Variants in SUMF1 observed in about 807,000 individuals in gnomAD.
SUMF1 encodes formylglycine-generating enzyme.
A neutral mutation model predicts 47.6 loss-of-function variants in SUMF1; 48 were observed. The ratio of observed to expected loss-of-function variants is 1.01; its 90% CI spans 0.80 to 1.28. The LOEUF (loss-of-function observed/expected upper bound fraction) is 1.28. SUMF1 is among the 50% of genes most tolerant of loss of function. The pLI is 0.00. For synonymous variants in SUMF1, 230 were observed against 192.1 expected, an observed-to-expected ratio of 1.20 and a Z score of -1.63; for missense variants, 571 against 485.4, an observed-to-expected ratio of 1.18 and a Z score of -1.66.
intron 8 of SUMF1, among the ~76,000 whole-genome samples, chr3:4,320,289 T>G (rs1268636741): frequency 6.6e-6 from 1 of 152,154 alleles, no homozygotes; most frequent in Non-Finnish European, 1.5e-5. Flanking sequence ...ATTACTGAAG[T>G]TTGTAAGACT....
chr3:4,399,234 T>TC (rs1388659544), intron 7 of SUMF1, among the ~76,000 whole-genome samples: 12 of 152,168 alleles, frequency 7.9e-5, no homozygotes, highest in Non-Finnish European at 1.8e-4. Flanking sequence ...AGCACAGCAG[T>TC]CTGGAGTAAA....
intron 1 of SUMF1, among the ~76,000 whole-genome samples, chr3:4,458,296 C>G (rs2079718699): frequency 6.6e-6 from 1 of 152,120 alleles, no homozygotes; most frequent in African/African-American, 2.4e-5. Flanking sequence ...TAAATTAATA[C>G]AGTGATTATG....
chr3:4,303,127 A>G (rs1698013966), intron 8 of SUMF1, among the ~76,000 whole-genome samples: 1 of 152,196 alleles, frequency 6.6e-6, no homozygotes, highest in African/African-American at 2.4e-5. Context: ...AGGAAAAACT[A>G]AAGCACCTCA....
intron 8 of SUMF1, among the ~76,000 whole-genome samples, chr3:4,298,384 T>C (rs929480469): frequency 3.9e-5 from 6 of 152,192 alleles, no homozygotes; most frequent in African/African-American, 9.7e-5. Flanking sequence ...TCTCATACTC[T>C]ATAAAATACT....
intron 7 of SUMF1, among the ~76,000 whole-genome samples, chr3:4,378,379 C>CA (rs1301025514): frequency 1.3e-5 from 2 of 151,908 alleles, no homozygotes; most frequent in Non-Finnish European, 2.9e-5. Context: ...ATTGTAAACT[C>CA]AAAAAAAATC....
chr3:4,239,872 G>A (rs139926350), intron 8 of SUMF1, among the ~76,000 whole-genome samples: 6 of 152,282 alleles, frequency 3.9e-5, no homozygotes, highest in Non-Finnish European at 8.8e-5. Context: ...AATGCTTCCA[G>A]TTTTTGCCCA....
chr3:4,394,140 T>C (rs1700966504), intron 7 of SUMF1, among the ~76,000 whole-genome samples: 1 of 151,884 alleles, frequency 6.6e-6, no homozygotes, highest in South Asian at 2.1e-4. Flanking sequence ...TTTAAAAGAG[T>C]GTTTAGCTTT....
At chr3:4,087,408 A>T (rs1002054548) in intron 8 of SUMF1, among the ~76,000 whole-genome samples, 4 of 152,110 alleles carry the variant, frequency 2.6e-5, no homozygotes, top group African/African-American at 9.7e-5. Flanking sequence ...AGTGTCTGGC[A>T]CTGCACAGGT....
At chr3:4,411,840 G>GA (rs1411058520) in intron 6 of SUMF1, among the ~76,000 whole-genome samples, 2 of 151,554 alleles carry the variant, frequency 1.3e-5, no homozygotes, top group Non-Finnish European at 1.5e-5. Context: ...TTTTTAAAAT[G>GA]AAAAAAATAT....
At chr3:4,052,901 G>A (rs1695137652) in intron 9 of SUMF1, among the ~76,000 whole-genome samples, 1 of 152,154 alleles carries the variant, frequency 6.6e-6, no homozygotes, top group African/African-American at 2.4e-5. Flanking sequence ...CATATCAGCA[G>A]TAAGACTGTT....
chr3:4,406,402 T>C (rs934278332), intron 7 of SUMF1, among the ~76,000 whole-genome samples: 6 of 152,176 alleles, frequency 3.9e-5, no homozygotes, highest in African/African-American at 1.2e-4. Flanking sequence ...ACACCTGTAA[T>C]CCCAGCACTT....
At chr3:4,147,548 A>G (rs1292624913) in intron 8 of SUMF1, among the ~76,000 whole-genome samples, 1 of 152,166 alleles carries the variant, frequency 6.6e-6, no homozygotes, top group Non-Finnish European at 1.5e-5. Flanking sequence ...CCGAGATAAT[A>G]AATGTCTCAC....
intron 3 of SUMF1, among the ~76,000 whole-genome samples, chr3:4,446,826 T>C (rs1372200860): frequency 6.6e-6 from 1 of 152,158 alleles, no homozygotes; most frequent in Non-Finnish European, 1.5e-5. Context: ...GATAAATCAT[T>C]GTAGGAAAAA....
At chr3:4,042,487 A>G (rs184342456) in intron 9 of SUMF1, among the ~76,000 whole-genome samples, 2 of 152,298 alleles carry the variant, frequency 1.3e-5, no homozygotes, top group Admixed American at 1.3e-4. Flanking sequence ...AACTTACACA[A>G]AAGAATACCT....
intron 8 of SUMF1, among the ~76,000 whole-genome samples, chr3:4,172,354 A>C (rs1197554491): frequency 1.3e-5 from 2 of 152,270 alleles, no homozygotes; most frequent in Middle Eastern, 3.4e-3. Flanking sequence ...AGACACGTTG[A>C]GTTTTTAATG....
intron 1 of SUMF1, among the ~76,000 whole-genome samples, chr3:4,462,432 C>T (rs1418150176): frequency 6.6e-6 from 1 of 152,172 alleles, no homozygotes; most frequent in Non-Finnish European, 1.5e-5. Context: ...GGAGATGCTG[C>T]CTGAGGCCCT....
chr3:4,192,336 A>G (rs1293759288), intron 8 of SUMF1, among the ~76,000 whole-genome samples: 1 of 152,120 alleles, frequency 6.6e-6, no homozygotes, highest in African/African-American at 2.4e-5. Flanking sequence ...CTCTTGGCCT[A>G]TTTCTCCATT....
intron 8 of SUMF1, among the ~76,000 whole-genome samples, chr3:4,154,326 C>T (rs757609271): frequency 2.6e-5 from 4 of 151,428 alleles, no homozygotes; most frequent in Non-Finnish European, 4.4e-5. Context: ...CACCAGGAAC[C>T]CACTAGGAAG....
At chr3:4,453,358 G>A (rs896201956) in intron 1 of SUMF1, among the ~76,000 whole-genome samples, 5 of 151,982 alleles carry the variant, frequency 3.3e-5, no homozygotes, top group African/African-American at 9.7e-5. Context: ...CAGAGGTAGC[G>A]AGAATATCCC....
Sources: gnomAD v4.1 joint callset for allele counts (sites outside exome capture counted in the v4.1 genomes callset) on GRCh38, gnomAD v4.1.1 for gene constraint, MANE v1.5 for transcripts, NCBI Gene and HGNC (gene_info 2026-07-23, HGNC 2026-07-21) for gene names.